The following DLG2 variants were observed in gnomAD, a reference collection of about 807,000 sequenced individuals.
The protein encoded by DLG2 is disks large homolog 2.
In DLG2, 45 loss-of-function variants were observed where a neutral mutation model predicts 132.5. That is an observed-to-expected ratio of 0.34 (90% confidence interval 0.27 to 0.44). The LOEUF (loss-of-function observed/expected upper bound fraction) is 0.44, where lower values mean the gene tolerates loss of function less well. Among genes scored for constraint, DLG2 ranks in the 20% least tolerant of loss-of-function variants. The pLI is 1.00. For missense variants in DLG2, 1,045 were observed against 1,196.9 expected, an observed-to-expected ratio of 0.87 and a Z score of 1.87; for synonymous variants, 424 against 419.6, an observed-to-expected ratio of 1.01 and a Z score of -0.13.
intron 6 of DLG2, among the ~76,000 whole-genome samples, chr11:84,649,273 T>C (rs1373464096): frequency 6.6e-6 from 1 of 152,166 alleles, no homozygotes; most frequent in Non-Finnish European, 1.5e-5. Flanking sequence ...TAGTAACAGT[T>C]TCTTTATAGA....
chr11:83,781,691 A>G (rs995077858), intron 18 of DLG2, among the ~76,000 whole-genome samples: 2 of 152,178 alleles, frequency 1.3e-5, no homozygotes, highest in African/African-American at 4.8e-5. Flanking sequence ...TTCAAGGCAA[A>G]AGAATTTGTG....
At chr11:84,066,193 A>T (rs2096668953) in intron 10 of DLG2, among the ~76,000 whole-genome samples, 3 of 152,120 alleles carry the variant, frequency 2.0e-5, no homozygotes, top group Non-Finnish European at 2.9e-5. Context: ...TATAACAAAC[A>T]TGCACATGTA....
intron 7 of DLG2, among the ~76,000 whole-genome samples, chr11:84,369,140 C>T (rs187300922): frequency 4.0e-5 from 6 of 151,832 alleles, no homozygotes; most frequent in Admixed American, 2.6e-4. Flanking sequence ...TTATACATTA[C>T]CTTATATAAC....
At chr11:84,328,825 T>C (rs2098445447) in intron 7 of DLG2, among the ~76,000 whole-genome samples, 2 of 152,234 alleles carry the variant, frequency 1.3e-5, no homozygotes, top group Admixed American at 6.5e-5. Context: ...CTGGCTGTGC[T>C]TTAGCCAGTA....
intron 3 of DLG2, among the ~76,000 whole-genome samples, chr11:85,399,860 C>T (rs1368789605): frequency 1.3e-5 from 2 of 152,120 alleles, no homozygotes; most frequent in South Asian, 2.1e-4. Context: ...CCATTCAGGA[C>T]ATAGGCATGG....
Position 84,759,411 on chromosome 11 carries a change from A to G in DLG2, c.358-224680T>C, listed in dbSNP as rs1449968796. Among the ~76,000 whole-genome samples the G allele has an allele frequency of 3.9e-5, 6 of 152,222 alleles. No homozygotes were observed. In the East Asian group the frequency reaches 9.6e-4, roughly 24 times the overall value. ...ACTGTTAGCTTATGGTAACCTCTCAATCAGAACCACTCTAGTGATGATAAA... is the reference window on the plus strand; with the variant it reads ...ACTGTTAGCTTATGGTAACCTCTCAGTCAGAACCACTCTAGTGATGATAAA... On this transcript the variant is annotated intron_variant, in intron 6 of 27. Coordinates refer to ENST00000376104, the MANE Select transcript of DLG2 (RefSeq NM_001142699.3).
intron 6 of DLG2, among the ~76,000 whole-genome samples, chr11:84,816,089 C>T (rs898332026): frequency 6.6e-6 from 1 of 152,026 alleles, no homozygotes; most frequent in Admixed American, 6.6e-5. Flanking sequence ...AGCTCTGCAT[C>T]ATAGAGTGGC....
At chr11:84,811,026 T>C (rs979303965) in intron 6 of DLG2, among the ~76,000 whole-genome samples, 1 of 152,142 alleles carries the variant, frequency 6.6e-6, no homozygotes, top group Admixed American at 6.6e-5. Context: ...AATATTTTGA[T>C]TGTAATATTG....
At chr11:85,028,383 T>A (rs930473666) in intron 6 of DLG2, among the ~76,000 whole-genome samples, 1 of 152,226 alleles carries the variant, frequency 6.6e-6, no homozygotes, top group East Asian at 1.9e-4. Context: ...CTGGCCCCCA[T>A]GCTTCAGGCC....
In DLG2 at chr11:84,600,185, AAAGAAAG is replaced by A. The variant is rs1388979916; in HGVS notation, c.358-65461_358-65455del. Among the ~76,000 whole-genome samples the A allele has an allele frequency of 2.2e-5, 3 of 134,772 alleles. No homozygotes were observed. The East Asian group carries it at 6.1e-4, about 27-fold the overall frequency. The allele number at this position is 134,772 out of a possible 152,430, so 88.4% of individuals were successfully genotyped here. ...GAAAGAAAGAAAGAAAGAAAGAAAG[AAAGAAAG>A]AAAGAAAGAAAGAAAGAAAGAAAGA... On this transcript the variant is annotated intron_variant, in intron 6 of 27. Transcript: ENST00000376104.
intron 19 of DLG2, among the ~76,000 whole-genome samples, chr11:83,616,704 A>G (rs1396727450): frequency 6.6e-6 from 1 of 152,150 alleles, no homozygotes; most frequent in Non-Finnish European, 1.5e-5. Context: ...GTGCCTGTTT[A>G]ATACTTAATC....
chr11:85,121,206 A>G (rs1262862375), intron 5 of DLG2, among the ~76,000 whole-genome samples: 1 of 152,056 alleles, frequency 6.6e-6, no homozygotes, highest in Non-Finnish European at 1.5e-5. Context: ...AAAGTTGAGT[A>G]AAACATAATG....
intron 3 of DLG2, among the ~76,000 whole-genome samples, chr11:85,292,912 T>C (rs1393782845): frequency 6.6e-6 from 1 of 151,630 alleles, no homozygotes; most frequent in Admixed American, 6.6e-5. Context: ...AGTACATCTT[T>C]TTGTACTAGA....
intron 6 of DLG2, among the ~76,000 whole-genome samples, chr11:84,663,799 C>A (rs984748240): frequency 6.6e-6 from 1 of 152,156 alleles, no homozygotes; most frequent in Non-Finnish European, 1.5e-5. Context: ...GTTCCCATAT[C>A]TAATTCTTAA....
chr11:83,650,571 A>C (rs148843597), intron 18 of DLG2, among the ~76,000 whole-genome samples: 103 of 152,322 alleles, frequency 6.8e-4, no homozygotes, highest in African/African-American at 2.4e-3. Context: ...TAAGCCACTA[A>C]ATTTGTAGTA....
intron 6 of DLG2, among the ~76,000 whole-genome samples, chr11:84,557,988 A>G (rs2099415340): frequency 6.6e-6 from 1 of 152,150 alleles, no homozygotes. Flanking sequence ...AAAACCTGGA[A>G]TTATCAAGAA....
At chr11:85,331,030 C>G (rs2081697369) in intron 3 of DLG2, among the ~76,000 whole-genome samples, 1 of 152,108 alleles carries the variant, frequency 6.6e-6, no homozygotes, top group African/African-American at 2.4e-5. Flanking sequence ...CGAAGCTCAT[C>G]TGTATTAAGT....
intron 8 of DLG2, among the ~76,000 whole-genome samples, chr11:84,178,306 C>T (rs1596718079): frequency 6.6e-6 from 1 of 152,132 alleles, no homozygotes; most frequent in African/African-American, 2.4e-5. Flanking sequence ...GTGCAGTCAA[C>T]ATGCTGTCTA....
chr11:84,298,279 C>T (rs140780821), intron 7 of DLG2, among the ~76,000 whole-genome samples: 1 of 152,092 alleles, frequency 6.6e-6, no homozygotes, highest in Non-Finnish European at 1.5e-5. Flanking sequence ...ATGTTTCATG[C>T]AAATCAATGA....
Sources: allele counts gnomAD v4.1 joint callset (sites outside exome capture counted in the v4.1 genomes callset), GRCh38; gene constraint gnomAD v4.1.1; transcripts MANE v1.5; gene names NCBI Gene and HGNC (gene_info 2026-07-23, HGNC 2026-07-21).